SMURF1: variants seen among roughly 807,000 people sequenced by gnomAD.
SMURF1 encodes SMAD specific E3 ubiquitin protein ligase 1, also known as E3 ubiquitin-protein ligase SMURF1.
Under a neutral mutation model 98.0 loss-of-function variants are expected in SMURF1, and 44 were observed. That is an observed-to-expected ratio of 0.45 (90% CI 0.35 to 0.58). The LOEUF is 0.58. Ranked by LOEUF, SMURF1 falls within the 20% of genes least tolerant of loss-of-function variation. SMURF1 has a pLI of 0.00. For missense variants in SMURF1, 687 were observed against 938.4 expected (o/e 0.73, Z 3.50); for synonymous variants, 396 against 374.9 (o/e 1.06, Z -0.65).
At chr7:99,084,366 C>T (rs962398008) in intron 1 of SMURF1, among the ~76,000 whole-genome samples, 8 of 152,138 alleles carry the variant, frequency 5.3e-5, no homozygotes, top group Admixed American at 1.3e-4. Flanking sequence ...CTGCAACCTC[C>T]GACTCTTGAC....
At chr7:99,137,922 C>A (rs957642842) in intron 1 of SMURF1, among the ~76,000 whole-genome samples, 1 of 152,132 alleles carries the variant, frequency 6.6e-6, no homozygotes, top group African/African-American at 2.4e-5. Context: ...TATGCCCAAG[C>A]CCCATAGCTA....
rs533792280 is a variant in SMURF1 at position 99,035,200 on chromosome 7, C to T, written c.2011+315G>A. Reference sequence around the variant, plus strand: ...CATAGCTCCCTCCCCGGGATCTTGGCTAAGCTGGCCTCACAGACACTCTGA... The same window carrying T: ...CATAGCTCCCTCCCCGGGATCTTGGTTAAGCTGGCCTCACAGACACTCTGA... On this transcript the variant is annotated intron_variant, in intron 16 of 17. Transcript: ENST00000361368. Among the ~76,000 whole-genome samples the T allele has an allele frequency of 2.9e-3, 446 of 152,326 alleles. 3 individuals carry two copies. The highest frequency in any genetic ancestry group is 0.01 in the African/African-American group (432 of 41,574).
At chr7:99,100,482 G>T (rs572306620) in intron 1 of SMURF1, among the ~76,000 whole-genome samples, 1 of 152,188 alleles carries the variant, frequency 6.6e-6, no homozygotes, top group South Asian at 2.1e-4. Context: ...TTTAACCTGG[G>T]GACAGAGGTT....
intron 1 of SMURF1, among the ~76,000 whole-genome samples, chr7:99,137,065 A>C (rs1798008840): frequency 6.6e-6 from 1 of 152,220 alleles, no homozygotes; most frequent in Non-Finnish European, 1.5e-5. Flanking sequence ...TATTTCTCTA[A>C]GGAATTTCTG....
At chr7:99,039,302 A>C (rs1795279785) in intron 13 of SMURF1, among the ~76,000 whole-genome samples, 1 of 152,006 alleles carries the variant, frequency 6.6e-6, no homozygotes, top group Admixed American at 6.5e-5. Context: ...CTAGCTCTTG[A>C]ATCTGCCATC....
intron 1 of SMURF1, among the ~76,000 whole-genome samples, chr7:99,084,335 C>T (rs1330132041): frequency 6.6e-6 from 1 of 152,126 alleles, no homozygotes; most frequent in African/African-American, 2.4e-5. Context: ...GGCTGGAGTG[C>T]AGTGGCGCGA....
At position 99,030,436 on chromosome 7, in the gene SMURF1, CT is replaced by C; in HGVS notation, c.*147del. 1 of 678,926 alleles carries C rather than the reference CT, an allele frequency of 1.5e-6. No homozygotes were observed. Among genetic ancestry groups the C allele is most frequent in the South Asian group, 1.8e-5 (1 of 55,208 alleles). 42.1% of individuals were successfully genotyped at this position (678,926 alleles called of 1,614,324 possible). A position where few individuals can be genotyped will look rare whatever the true frequency, so the allele number is the denominator to read the frequency against. On this transcript the variant is annotated 3_prime_UTR_variant, in exon 18 of 18. Coordinates refer to ENST00000361368, the MANE Select transcript of SMURF1 (RefSeq NM_181349.3). The stretch of plus-strand genomic sequence containing the variant: ...CCACCAACAAAAGTCCCCCATCCCC[CT>C]CCCCCAACAGAAAGGAGAGAGACAA...
At chr7:99,115,657 A>G (rs1397403996) in intron 1 of SMURF1, among the ~76,000 whole-genome samples, 1 of 152,168 alleles carries the variant, frequency 6.6e-6, no homozygotes, top group East Asian at 1.9e-4. Context: ...GTATGCCAAC[A>G]AATTAGGTAA....
At position 99,047,803 on chromosome 7, in the gene SMURF1, C is replaced by T. The variant is rs1239939344; in HGVS notation, c.1033G>A (p.Ala345Thr). The change falls in exon 10 of 18, where the codon GCC becomes ACC. Residue 345 changes from alanine to threonine, a missense_variant. By Grantham distance (58) the Ala-to-Thr change is moderately conservative (BLOSUM62 0). This residue lies in a region of SMURF1 where 415 missense variants were observed against 508.4 expected (regional missense o/e 0.82). Coordinates refer to ENST00000361368, the MANE Select transcript of SMURF1 (RefSeq NM_181349.3). ...EGSLEDEELP[A>T]QRYERDLVQK... is the part of the protein sequence containing the mutation. Reference sequence around the variant, plus strand: ...ACTAGATCTCTTTCGTATCTCTGGGCAGGAAGCTCCTCGTCCTCCAGAGAG... The same window carrying T: ...ACTAGATCTCTTTCGTATCTCTGGGTAGGAAGCTCCTCGTCCTCCAGAGAG... 2 of 1,614,204 alleles carry T rather than the reference C, an allele frequency of 1.2e-6. No individual in the cohort carries two copies. Among genetic ancestry groups the T allele is most frequent in the Non-Finnish European group, 1.7e-6 (2 of 1,180,046 alleles).
At chr7:99,118,810 G>C (rs1339595338) in intron 1 of SMURF1, among the ~76,000 whole-genome samples, 1 of 151,902 alleles carries the variant, frequency 6.6e-6, no homozygotes, top group Non-Finnish European at 1.5e-5. Context: ...TTTTTTTAAA[G>C]ACAGCTCTAT....
chr7:99,079,868 C>T (rs1796544149), intron 1 of SMURF1, among the ~76,000 whole-genome samples: 1 of 151,960 alleles, frequency 6.6e-6, no homozygotes, highest in African/African-American at 2.4e-5. Context: ...GAATAACCTA[C>T]ACTTTCAACT....
intron 11 of SMURF1, 27 bp downstream of exon 11, chr7:99,045,671 G>T: frequency 1.9e-6 from 3 of 1,567,486 alleles, no homozygotes; most frequent in Non-Finnish European, 2.6e-6. Context: ...CCACACAGCA[G>T]AGAAGGTGAA....
At chr7:99,070,229 G>A (rs1223370736) in intron 1 of SMURF1, among the ~76,000 whole-genome samples, 1 of 152,190 alleles carries the variant, frequency 6.6e-6, no homozygotes, top group East Asian at 1.9e-4. Context: ...GAGCCCCAAG[G>A]ACGAGGTGGG....
At chr7:99,125,133 C>G (rs773281385) in intron 1 of SMURF1, among the ~76,000 whole-genome samples, 8 of 152,140 alleles carry the variant, frequency 5.3e-5, no homozygotes, top group Non-Finnish European at 8.8e-5. Context: ...GGCTGGAGTT[C>G]AGAAGCACCA....
rs770462961 is a variant in SMURF1 at position 99,040,299 on chromosome 7, GCGCGCGCGCA to G, written c.1550+69_1550+78del. 2,274 of 1,290,946 alleles carry G rather than the reference GCGCGCGCGCA, an allele frequency of 1.8e-3. 3 individuals carry two copies. Among genetic ancestry groups the G allele is most frequent in the Non-Finnish European group, 1.8e-3 (1,802 of 982,984 alleles). 80.0% of individuals were successfully genotyped at this position (1,290,946 alleles called of 1,614,324 possible). A position where few individuals can be genotyped will look rare whatever the true frequency, so the allele number is the denominator to read the frequency against. On this transcript the variant is annotated intron_variant, in intron 13 of 17. Coordinates refer to ENST00000361368, the MANE Select transcript of SMURF1 (RefSeq NM_181349.3). ...ATCCCCAAAATACACACACACGCGC[GCGCGCGCGCA>G]CGCGCATACATACGATAGACGTGGT... is the stretch of plus-strand genomic sequence containing the variant.
chr7:99,098,681 A>C (rs1262012223), intron 1 of SMURF1, among the ~76,000 whole-genome samples: 8 of 152,166 alleles, frequency 5.3e-5, no homozygotes, highest in Admixed American at 5.2e-4. Context: ...GCTATGGGGC[A>C]ACTAAAACTG....
chr7:99,063,238 T>TATATATATATATATATAAG (rs1491463254), intron 1 of SMURF1, among the ~76,000 whole-genome samples: 1 of 5,050 alleles, frequency 2.0e-4, no homozygotes, highest in African/African-American at 2.5e-4. Flanking sequence ...ATATAAGATT[T>TATATATATATATATATAAG]ATTTATATAT....
At position 99,040,800 on chromosome 7, in the gene SMURF1, A is replaced by G. The variant is rs1357825726; in HGVS notation, c.1372-244T>C. Among the ~76,000 whole-genome samples the G allele has an allele frequency of 2.0e-5, 3 of 152,222 alleles. No homozygotes were observed. The East Asian group carries it at 5.8e-4, about 29-fold the overall frequency. On this transcript the variant is annotated intron_variant, in intron 12 of 17. Coordinates refer to ENST00000361368, the MANE Select transcript of SMURF1 (RefSeq NM_181349.3). The stretch of plus-strand genomic sequence containing the variant: ...GCCAACACCTCCTCAGAAGGGCCAT[A>G]TAACTGGCAGAGGAGCCCCGTGTTC...
chr7:99,037,188 C>G lies in SMURF1; in HGVS notation c.1689-1G>C. 6.2e-7 allele frequency: 1 copy of G among 1,613,994 alleles called. No individual in the cohort carries two copies. The highest frequency in any genetic ancestry group is 8.5e-7 in the Non-Finnish European group (1 of 1,179,996). ...CATAAACCTCCAGTTTACATACAAC[C>G]TGGAAGAAAAACTCGCAAGTTGGAT... On this transcript the variant is annotated splice_acceptor_variant, in intron 14 of 17. Transcript: ENST00000361368. LOFTEE classifies it high-confidence loss of function.
Sources: gnomAD v4.1 joint callset for allele counts (sites outside exome capture counted in the v4.1 genomes callset) on GRCh38, gnomAD v4.1.1 for gene constraint, gnomAD v4.1.1 regional missense constraint, MANE v1.5 for transcripts, NCBI Gene and HGNC (gene_info 2026-07-23, HGNC 2026-07-21) for gene names.